OCA2: variants seen among roughly 807,000 people sequenced by gnomAD.
OCA2 encodes the protein OCA2 melanosomal transmembrane protein, also known as P protein.
Under a neutral mutation model 100.2 loss-of-function variants are expected in OCA2, and 77 were observed. The ratio of observed to expected loss-of-function variants is 0.77; its 90% CI spans 0.64 to 0.93. OCA2 has a LOEUF of 0.93. Ranked by LOEUF, OCA2 falls within the 40% of genes least tolerant of loss-of-function variation. The probability of loss-of-function intolerance (pLI) is 0.00; values close to 1 mark genes in which losing one functional copy is unlikely to be tolerated. For missense variants in OCA2, 1,062 were observed against 1,089.1 expected, an observed-to-expected ratio of 0.98 and a Z score of 0.35; for synonymous variants, 432 against 439.2, an observed-to-expected ratio of 0.98 and a Z score of 0.21.
intron 23 of OCA2, among the ~76,000 whole-genome samples, chr15:27,812,163 T>C (rs1257813789): frequency 6.6e-6 from 1 of 152,196 alleles, no homozygotes; most frequent in Non-Finnish European, 1.5e-5. Flanking sequence ...CCCTCATCAG[T>C]CAGCGGCTTC....
At chr15:27,960,948 A>G (rs1340737387) in intron 15 of OCA2, among the ~76,000 whole-genome samples, 2 of 152,044 alleles carry the variant, frequency 1.3e-5, no homozygotes, top group Non-Finnish European at 2.9e-5. Flanking sequence ...CAAAATTGAC[A>G]AATGGGATCT....
chr15:27,983,566 G>T, intron 13 of OCA2, 83 bp from the exon 14 acceptor site: 2 of 1,499,930 alleles, frequency 1.3e-6, no homozygotes, highest in Admixed American at 3.4e-5. Context: ...TTTTTAAGGC[G>T]CTTGCTCGTA....
Position 27,755,368 on chromosome 15 carries a change from G to T in OCA2, c.*20C>A. 1 of 1,569,044 alleles carries T rather than the reference G, an allele frequency of 6.4e-7. No individual in the cohort carries two copies. Among genetic ancestry groups the T allele is most frequent in the South Asian group, 1.1e-5 (1 of 90,196 alleles). ...ATGGATGAAGTTTCCTTTAGTCTTC[G>T]AGCAATAGATGGATGTCTATTAATT... On this transcript the variant is annotated 3_prime_UTR_variant, in exon 24 of 24. Transcript: ENST00000354638.
At chr15:27,898,004 G>T (rs2594896) in intron 19 of OCA2, among the ~76,000 whole-genome samples, 66,626 of 152,034 alleles carry the variant, frequency 0.44, 17,038 homozygotes, top group African/African-American at 0.69. Context: ...GTAGCCCCTT[G>T]GTTTTGGCCC....
intron 18 of OCA2, among the ~76,000 whole-genome samples, chr15:27,938,406 T>C (rs964152876): frequency 4.6e-5 from 7 of 152,216 alleles, no homozygotes; most frequent in East Asian, 3.9e-4. Flanking sequence ...TCCAGGCTCA[T>C]TGCTCACTAG....
intron 2 of OCA2, 25 bp downstream of exon 2, chr15:28,081,623 C>T: frequency 1.2e-6 from 2 of 1,600,276 alleles, no homozygotes; most frequent in Non-Finnish European, 1.7e-6. Context: ...TCCACATTTA[C>T]AAGATGGCAC....
chr15:28,001,464 G>T lies in OCA2; in HGVS notation c.1045-10817C>A, dbSNP rs576073269. 4.6e-5 allele frequency among the ~76,000 whole-genome samples: 7 copies of T among 152,282 alleles called. No homozygotes were observed. In the East Asian group the frequency reaches 1.4e-3, roughly 29 times the overall value. On this transcript the variant is annotated intron_variant, in intron 9 of 23. Transcript: ENST00000354638. ...AGGGGTGGAAGGAGAGGAGGGTGTG[G>T]GAGATGAAGAGCTGACCGCCAGAGC...
intron 23 of OCA2, among the ~76,000 whole-genome samples, chr15:27,757,797 C>A (rs1388029906): frequency 6.6e-6 from 1 of 152,220 alleles, no homozygotes; most frequent in Non-Finnish European, 1.5e-5. Context: ...CAGACCAGTG[C>A]TCCTCAAACC....
intron 19 of OCA2, chr15:27,896,459 G>A: frequency 1.6e-6 from 1 of 625,020 alleles, no homozygotes; most frequent in Non-Finnish European, 2.9e-6. Flanking sequence ...AGGAGAAGAA[G>A]CCCAAGAAAA....
At chr15:28,002,313 C>G (rs2041952471) in intron 9 of OCA2, among the ~76,000 whole-genome samples, 1 of 152,170 alleles carries the variant, frequency 6.6e-6, no homozygotes, top group South Asian at 2.1e-4. Context: ...GTGGCAGATG[C>G]TGGACCATGG....
At chr15:27,919,284 T>C (rs1274436580) in intron 19 of OCA2, among the ~76,000 whole-genome samples, 1 of 152,264 alleles carries the variant, frequency 6.6e-6, no homozygotes, top group East Asian at 1.9e-4. Flanking sequence ...CCCAAACGAT[T>C]TGAAGACTTA....
intron 1 of OCA2, among the ~76,000 whole-genome samples, chr15:28,082,329 T>C (rs539530091): frequency 6.6e-5 from 10 of 152,318 alleles, no homozygotes; most frequent in Non-Finnish European, 1.2e-4. Flanking sequence ...CTGTGGATAC[T>C]TTCGATGTTT....
At chr15:28,046,705 G>A (rs2043359040) in intron 2 of OCA2, among the ~76,000 whole-genome samples, 1 of 152,160 alleles carries the variant, frequency 6.6e-6, no homozygotes, top group African/African-American at 2.4e-5. Flanking sequence ...TGCTGGTGCT[G>A]AATAATGACC....
intron 23 of OCA2, among the ~76,000 whole-genome samples, chr15:27,797,714 G>A (rs995521536): frequency 6.6e-5 from 10 of 152,194 alleles, no homozygotes; most frequent in African/African-American, 1.7e-4. Flanking sequence ...GGATGAAAAC[G>A]TCTATCAGCA....
At chr15:27,870,521 T>C (rs1165657445) in intron 21 of OCA2, among the ~76,000 whole-genome samples, 1 of 152,146 alleles carries the variant, frequency 6.6e-6, no homozygotes, top group Non-Finnish European at 1.5e-5. Flanking sequence ...CTTCCAATCC[T>C]GGCTGGGGCT....
the OCA2 span, among the ~76,000 whole-genome samples, chr15:27,739,949 T>C: frequency 1.4e-4 from 21 of 152,224 alleles, no homozygotes; most frequent in Admixed American, 1.3e-3. Flanking sequence ...GGTGCAGAGG[T>C]ACAGGTGAGA....
chr15:28,082,728 A>G (rs1360612418), intron 1 of OCA2, among the ~76,000 whole-genome samples: 5 of 152,144 alleles, frequency 3.3e-5, no homozygotes, highest in African/African-American at 7.2e-5. Context: ...AAACATGGCT[A>G]CCTCTGGATG....
At chr15:27,862,313 G>A (rs1490838584) in intron 21 of OCA2, among the ~76,000 whole-genome samples, 2 of 151,644 alleles carry the variant, frequency 1.3e-5, no homozygotes, top group African/African-American at 2.4e-5. Context: ...CATCAGCCTC[G>A]AGTCCTCACG....
chr15:27,861,925 C>T (rs975971300), intron 21 of OCA2, among the ~76,000 whole-genome samples: 4 of 152,148 alleles, frequency 2.6e-5, no homozygotes, highest in African/African-American at 7.2e-5. Flanking sequence ...GTGAAGGCAC[C>T]GGTCTTCGTT....
Sources: allele counts gnomAD v4.1 joint callset (sites outside exome capture counted in the v4.1 genomes callset), GRCh38; gene constraint gnomAD v4.1.1; transcripts MANE v1.5; gene names NCBI Gene and HGNC (gene_info 2026-07-23, HGNC 2026-07-21).